YAP1: variants seen among roughly 807,000 people sequenced by gnomAD.
The protein encoded by YAP1 is Yes1 associated transcriptional regulator.
Under a neutral mutation model 56.9 loss-of-function variants are expected in YAP1, and 5 were observed. The observed-to-expected ratio is 0.09, with a 90% CI of 0.05 to 0.18. YAP1 has a LOEUF of 0.18. Among genes scored for constraint, YAP1 ranks in the 10% least tolerant of loss-of-function variants. The probability of loss-of-function intolerance (pLI) is 1.00; values close to 1 mark genes in which losing one functional copy is unlikely to be tolerated. For missense variants in YAP1, 539 were observed against 651.8 expected (o/e 0.83, Z 1.88); for synonymous variants, 265 against 248.1 (o/e 1.07, Z -0.64).
At chr11:102,170,654 T>G (rs1036292733) in intron 3 of YAP1, among the ~76,000 whole-genome samples, 1 of 152,148 alleles carries the variant, frequency 6.6e-6, no homozygotes, top group African/African-American at 2.4e-5. Flanking sequence ...TAAAGTTCAT[T>G]TACATTTTGA....
chr11:102,197,703 A>T (rs1591390404), intron 4 of YAP1, among the ~76,000 whole-genome samples: 1 of 152,238 alleles, frequency 6.6e-6, no homozygotes, highest in Admixed American at 6.5e-5. Flanking sequence ...CATAATTTTT[A>T]AAATTCTGAC....
intron 8 of YAP1, among the ~76,000 whole-genome samples, chr11:102,229,258 G>A (rs1240344743): frequency 6.6e-6 from 1 of 152,166 alleles, no homozygotes; most frequent in Non-Finnish European, 1.5e-5. Context: ...AAGTATTCTT[G>A]CAGTCTTTCT....
Position 102,110,825 on chromosome 11 carries a change from T to G in YAP1, c.-24T>G. 2 of 1,375,068 alleles carry G rather than the reference T, an allele frequency of 1.5e-6. No homozygotes were observed. The highest frequency in any genetic ancestry group is 1.9e-6 in the Non-Finnish European group (2 of 1,064,890). 85.2% of individuals were successfully genotyped at this position (1,375,068 alleles called of 1,614,324 possible). On this transcript the variant is annotated 5_prime_UTR_variant, in exon 1 of 9. Transcript: ENST00000282441. ...GCCCTCGCTCGCCTGGGTCAGGGGG[T>G]GCGCGTCGGGGGAGGCAGAAGCCAT...
At chr11:102,191,337 C>T (rs887028416) in intron 4 of YAP1, among the ~76,000 whole-genome samples, 3 of 151,566 alleles carry the variant, frequency 2.0e-5, no homozygotes, top group South Asian at 4.2e-4. Context: ...ACAGCCATTA[C>T]GATTCCTCGG....
chr11:102,153,589 C>A (rs946538978), intron 2 of YAP1, among the ~76,000 whole-genome samples: 1 of 152,026 alleles, frequency 6.6e-6, no homozygotes, highest in Non-Finnish European at 1.5e-5. Context: ...CTGTGGATAA[C>A]CAAATTGAGT....
intron 4 of YAP1, among the ~76,000 whole-genome samples, chr11:102,199,172 A>G (rs903182730): frequency 6.6e-6 from 1 of 152,198 alleles, no homozygotes; most frequent in African/African-American, 2.4e-5. Flanking sequence ...CAGGTGTGTG[A>G]GAGAATAATC....
intron 2 of YAP1, among the ~76,000 whole-genome samples, chr11:102,133,005 A>C (rs963450610): frequency 7.2e-5 from 11 of 152,060 alleles, no homozygotes; most frequent in Non-Finnish European, 1.6e-4. Flanking sequence ...TAAAAATACA[A>C]AAATTATCTG....
Position 102,216,005 on chromosome 11 carries a change from C to T in YAP1, c.1032+6441C>T, listed in dbSNP as rs368981370. Among the ~76,000 whole-genome samples, 6 of 152,224 alleles carry T rather than the reference C, an allele frequency of 3.9e-5. No homozygotes were observed. In the South Asian group the frequency reaches 6.2e-4, roughly 16 times the overall value. On this transcript the variant is annotated intron_variant, in intron 6 of 8. Coordinates refer to ENST00000282441, the MANE Select transcript of YAP1 (RefSeq NM_001130145.3). ...AACCTCTGCCTCCCATACAAGCGCG[C>T]GTGCTAGCGTGAACACACTCAGATA...
intron 2 of YAP1, among the ~76,000 whole-genome samples, chr11:102,124,055 G>A (rs7120363): frequency 0.58 from 88,476 of 151,388 alleles, 26,565 homozygotes; most frequent in South Asian, 0.76. Flanking sequence ...GGGTTCAAGC[G>A]ATTCTCCTGC....
chr11:102,126,065 A>G (rs1440645703), intron 2 of YAP1, among the ~76,000 whole-genome samples: 1 of 152,038 alleles, frequency 6.6e-6, no homozygotes, highest in Non-Finnish European at 1.5e-5. Flanking sequence ...CATGTGTTTG[A>G]ATCCAGAGTC....
intron 2 of YAP1, among the ~76,000 whole-genome samples, chr11:102,161,321 CAG>C (rs1946269802): frequency 6.8e-6 from 1 of 147,306 alleles, no homozygotes; most frequent in Non-Finnish European, 1.5e-5. Flanking sequence ...CTCGGCCTCC[CAG>C]AGTCTTTCTG....
intron 3 of YAP1, among the ~76,000 whole-genome samples, chr11:102,174,954 T>C (rs1947149798): frequency 6.6e-6 from 1 of 152,298 alleles, no homozygotes; most frequent in African/African-American, 2.4e-5. Flanking sequence ...TTTCATCTTA[T>C]TCTACCACAC....
At chr11:102,116,072 CT>C (rs1943267739) in intron 2 of YAP1, among the ~76,000 whole-genome samples, 1 of 152,008 alleles carries the variant, frequency 6.6e-6, no homozygotes, top group South Asian at 2.1e-4. Context: ...AATGAATGAT[CT>C]TTTTTTGAGC....
At chr11:102,224,629 T>C (rs960528055) in intron 7 of YAP1, among the ~76,000 whole-genome samples, 57 of 152,156 alleles carry the variant, frequency 3.7e-4, no homozygotes, top group Admixed American at 1.3e-4. Flanking sequence ...GAAAATATCT[T>C]ATCCTGCTAA....
chr11:102,135,195 CTA>C (rs1327533438), intron 2 of YAP1, among the ~76,000 whole-genome samples: 1 of 152,130 alleles, frequency 6.6e-6, no homozygotes, highest in Non-Finnish European at 1.5e-5. Context: ...TGGTGTCTCA[CTA>C]TGTTGCCTAG....
chr11:102,122,340 G>A (rs758373828), intron 2 of YAP1, among the ~76,000 whole-genome samples: 3 of 151,816 alleles, frequency 2.0e-5, no homozygotes, highest in African/African-American at 4.8e-5. Context: ...CATGAGAATC[G>A]TTTGAGCTCA....
chr11:102,218,770 G>T (rs148756888), intron 6 of YAP1, among the ~76,000 whole-genome samples: 1 of 152,272 alleles, frequency 6.6e-6, no homozygotes, highest in African/African-American at 2.4e-5. Flanking sequence ...CCTGCTTACT[G>T]ACATCTCTAA....
At chr11:102,142,509 A>G (rs896848642) in intron 2 of YAP1, among the ~76,000 whole-genome samples, 1 of 152,208 alleles carries the variant, frequency 6.6e-6, no homozygotes, top group African/African-American at 2.4e-5. Context: ...CCTGAGAGCC[A>G]AAAAAGGGCC....
intron 8 of YAP1, among the ~76,000 whole-genome samples, chr11:102,227,848 T>C (rs1950268372): frequency 6.6e-6 from 1 of 151,990 alleles, no homozygotes; most frequent in Admixed American, 6.6e-5. Context: ...GTGGGTGTAT[T>C]GTTTGAGCCC....
Sources: gnomAD v4.1 joint callset for allele counts (sites outside exome capture counted in the v4.1 genomes callset) on GRCh38, gnomAD v4.1.1 for gene constraint, MANE v1.5 for transcripts, NCBI Gene and HGNC (gene_info 2026-07-23, HGNC 2026-07-21) for gene names.